OPCML: variants seen among roughly 807,000 people sequenced by gnomAD.
OPCML encodes the protein opioid binding protein/cell adhesion molecule like, also known as opioid-binding protein/cell adhesion molecule.
A neutral mutation model predicts 37.8 loss-of-function variants in OPCML; 13 were observed. The ratio of observed to expected loss-of-function variants is 0.34; its 90% CI spans 0.22 to 0.55. The LOEUF (loss-of-function observed/expected upper bound fraction) is 0.55. Among genes scored for constraint, OPCML ranks in the 20% least tolerant of loss-of-function variants. The probability of loss-of-function intolerance (pLI) is 0.91; values close to 1 mark genes in which losing one functional copy is unlikely to be tolerated. For synonymous variants in OPCML, 176 were observed against 168.8 expected (o/e 1.04, Z -0.33); for missense variants, 341 against 435.6 (o/e 0.78, Z 1.93).
At chr11:132,600,319 T>C (rs1345563612) in intron 3 of OPCML, among the ~76,000 whole-genome samples, 1 of 152,228 alleles carries the variant, frequency 6.6e-6, no homozygotes, top group African/African-American at 2.4e-5. Flanking sequence ...AGCCTTCATC[T>C]TTGCAAAGAC....
At chr11:132,693,624 T>C (rs954104046) in intron 2 of OPCML, among the ~76,000 whole-genome samples, 1 of 152,232 alleles carries the variant, frequency 6.6e-6, no homozygotes, top group African/African-American at 2.4e-5. Context: ...ATGAGAAATC[T>C]GTAAATTACC....
chr11:132,961,182 GAC>G (rs778835925), intron 1 of OPCML, among the ~76,000 whole-genome samples: 17 of 152,294 alleles, frequency 1.1e-4, no homozygotes, highest in Non-Finnish European at 2.1e-4. Context: ...TATAGACACT[GAC>G]ACAGACATGT....
intron 1 of OPCML, among the ~76,000 whole-genome samples, chr11:133,046,772 A>AT (rs1297410437): frequency 3.9e-5 from 6 of 152,186 alleles, no homozygotes; most frequent in Non-Finnish European, 8.8e-5. Flanking sequence ...AAATTTACAG[A>AT]TTTTTTAAAA....
At chr11:133,272,659 G>A (rs1447022153) in intron 1 of OPCML, among the ~76,000 whole-genome samples, 1 of 152,196 alleles carries the variant, frequency 6.6e-6, no homozygotes, top group African/African-American at 2.4e-5. Flanking sequence ...TGGATTGAGG[G>A]TGGTGGACAA....
At chr11:132,480,189 T>A (rs982982788) in intron 4 of OPCML, among the ~76,000 whole-genome samples, 17 of 152,220 alleles carry the variant, frequency 1.1e-4, no homozygotes, top group Admixed American at 3.9e-4. Flanking sequence ...CTGATGGAGC[T>A]GAAAACCAAG....
chr11:132,679,789 G>A (rs138036510), intron 2 of OPCML, among the ~76,000 whole-genome samples: 1 of 152,312 alleles, frequency 6.6e-6, no homozygotes, highest in African/African-American at 2.4e-5. Flanking sequence ...AAAAAGGGAG[G>A]AGTGTGCCTA....
intron 3 of OPCML, among the ~76,000 whole-genome samples, chr11:132,558,326 TC>T (rs1431029975): frequency 0.018 from 216 of 11,814 alleles, 4 homozygotes; most frequent in African/African-American, 0.055. Context: ...TCCTCCCCTC[TC>T]CCCCCCTCCT....
At chr11:133,152,925 T>C (rs1950007635) in intron 1 of OPCML, among the ~76,000 whole-genome samples, 1 of 151,806 alleles carries the variant, frequency 6.6e-6, no homozygotes, top group South Asian at 2.1e-4. Context: ...TTCCCCTTCA[T>C]AAGGTAATAA....
At chr11:133,313,614 G>A (rs1260499704) in intron 1 of OPCML, among the ~76,000 whole-genome samples, 2 of 152,226 alleles carry the variant, frequency 1.3e-5, no homozygotes, top group African/African-American at 2.4e-5. Flanking sequence ...CACCTGAAGC[G>A]GGGCCCAAGA....
chr11:133,246,923 A>G (rs1940945088), intron 1 of OPCML, among the ~76,000 whole-genome samples: 1 of 152,174 alleles, frequency 6.6e-6, no homozygotes, highest in African/African-American at 2.4e-5. Context: ...AACAAGAATG[A>G]GCAGTGGCTT....
At chr11:132,920,370 C>T (rs1274839956) in intron 2 of OPCML, among the ~76,000 whole-genome samples, 1 of 152,208 alleles carries the variant, frequency 6.6e-6, no homozygotes, top group Admixed American at 6.5e-5. Context: ...CCTCAGGCTC[C>T]TCATCTGTGA....
intron 1 of OPCML, among the ~76,000 whole-genome samples, chr11:133,117,123 C>T (rs1302771941): frequency 6.6e-6 from 1 of 152,058 alleles, no homozygotes; most frequent in Non-Finnish European, 1.5e-5. Flanking sequence ...ATTTTTAATA[C>T]TCAAATTATC....
At chr11:133,101,862 G>A (rs1315054617) in intron 1 of OPCML, among the ~76,000 whole-genome samples, 1 of 151,896 alleles carries the variant, frequency 6.6e-6, no homozygotes, top group Non-Finnish European at 1.5e-5. Flanking sequence ...GTACTTCCAG[G>A]CACTGGAATA....
intron 4 of OPCML, among the ~76,000 whole-genome samples, chr11:132,499,379 G>A (rs753425580): frequency 6.6e-5 from 10 of 152,200 alleles, no homozygotes; most frequent in Non-Finnish European, 1.2e-4. Context: ...TTGAGGGCTT[G>A]TCAGCAGCTG....
intron 2 of OPCML, among the ~76,000 whole-genome samples, chr11:132,748,855 T>C (rs1024332775): frequency 6.6e-6 from 1 of 152,158 alleles, no homozygotes; most frequent in African/African-American, 2.4e-5. Context: ...CTGTGTGAAC[T>C]TCCACAGGGC....
At chr11:132,443,309 GAGCAAGAA>G (rs2096042961) in intron 4 of OPCML, among the ~76,000 whole-genome samples, 1 of 152,184 alleles carries the variant, frequency 6.6e-6, no homozygotes, top group African/African-American at 2.4e-5. Context: ...GAAGTGGGAG[GAGCAAGAA>G]AGCAAGAGGG....
At chr11:133,087,472 C>G (rs1336863085) in intron 1 of OPCML, among the ~76,000 whole-genome samples, 1 of 152,080 alleles carries the variant, frequency 6.6e-6, no homozygotes, top group African/African-American at 2.4e-5. Context: ...CCAGGGTCTA[C>G]TGTTCCCATC....
Position 132,485,417 on chromosome 11 carries a change from C to A in OPCML, c.505+43644G>T, listed in dbSNP as rs142855884. On this transcript the variant is annotated intron_variant, in intron 4 of 7. Transcript: ENST00000524381. ...ATTTACATACAACCAAAAGCACAGA[C>A]CTTAAGTGTTTAGTTTGATGTGTTT... 4.1e-3 allele frequency among the ~76,000 whole-genome samples: 631 copies of A among 152,226 alleles called. 5 individuals carry two copies. The highest frequency in any genetic ancestry group is 0.014 in the African/African-American group (602 of 41,532).
rs149695433 is a variant in OPCML, at chr11:132,691,912, G to A, written c.147-34593C>T. ...AGTCTAAGCTCCAGTTGACAGTATC[G>A]ACAGATTTGAGGGTGTTGATTAAGG... On this transcript the variant is annotated intron_variant, in intron 2 of 7. Transcript: ENST00000524381. 9.6e-3 allele frequency among the ~76,000 whole-genome samples: 1,461 copies of A among 152,190 alleles called. 20 individuals are homozygous for A. Among genetic ancestry groups the A allele is most frequent in the African/African-American group, 0.033 (1,385 of 41,528 alleles).
Sources: gnomAD v4.1 joint callset for allele counts (sites outside exome capture counted in the v4.1 genomes callset) on GRCh38, gnomAD v4.1.1 for gene constraint, MANE v1.5 for transcripts, NCBI Gene and HGNC (gene_info 2026-07-23, HGNC 2026-07-21) for gene names.